The following SLC26A8 variants were observed in gnomAD, a reference collection of about 807,000 sequenced individuals.
SLC26A8 encodes solute carrier family 26 member 8.
Under a neutral mutation model 105.0 loss-of-function variants are expected in SLC26A8, and 70 were observed. The ratio of observed to expected loss-of-function variants is 0.67; its 90% CI spans 0.55 to 0.81. SLC26A8 has a LOEUF of 0.81. Ranked by LOEUF, SLC26A8 falls within the 40% of genes least tolerant of loss-of-function variation. The probability of loss-of-function intolerance (pLI) is 0.00; values close to 1 mark genes in which losing one functional copy is unlikely to be tolerated. For missense variants in SLC26A8, 998 were observed against 1,181.8 expected, an observed-to-expected ratio of 0.84 and a Z score of 2.28; for synonymous variants, 415 against 438.3, an observed-to-expected ratio of 0.95 and a Z score of 0.66.
intron 2 of SLC26A8, among the ~76,000 whole-genome samples, chr6:36,015,743 G>A (rs778747318): frequency 3.4e-4 from 52 of 152,056 alleles, no homozygotes; most frequent in Non-Finnish European, 6.3e-4. Flanking sequence ...GAGAGGACTG[G>A]GGGGGATATC....
intron 19 of SLC26A8, among the ~76,000 whole-genome samples, chr6:35,945,896 C>G (rs1042808066): frequency 6.6e-6 from 1 of 152,174 alleles, no homozygotes; most frequent in African/African-American, 2.4e-5. Context: ...ATCACTTCAA[C>G]TTTCCTGAAA....
At chr6:35,999,169 C>T (rs887571222) in intron 4 of SLC26A8, among the ~76,000 whole-genome samples, 9 of 152,230 alleles carry the variant, frequency 5.9e-5, no homozygotes, top group African/African-American at 2.2e-4. Flanking sequence ...GCTGCGATTA[C>T]AGGCATGAGC....
intron 11 of SLC26A8, among the ~76,000 whole-genome samples, chr6:35,968,611 A>G (rs11752664): frequency 0.13 from 5,377 of 42,518 alleles, 147 homozygotes; most frequent in African/African-American, 0.16. Flanking sequence ...GTGTGTGTGT[A>G]TATATATATA....
Position 35,961,073 on chromosome 6 carries a change from A to G in SLC26A8, c.1488T>C (p.Ser496=). Residue 496 remains serine (S), a synonymous_variant, in exon 13 of 20, where the codon TCT becomes TCC. Transcript: ENST00000490799. ...CAATGTCCAGTCCCAGGAAAATTGA[A>G]GATGAGAATGTCATCATCCAAAGAG... ...DCALWMMTFS[S]SIFLGLDIGL... is the part of the protein sequence containing the mutation. The G allele has an allele frequency of 6.2e-7, 1 of 1,614,002 alleles. No individual in the cohort carries two copies. The highest frequency in any genetic ancestry group is 8.5e-7 in the Non-Finnish European group (1 of 1,179,918).
At chr6:35,979,318 A>T (rs1303676903) in intron 8 of SLC26A8, among the ~76,000 whole-genome samples, 1 of 151,996 alleles carries the variant, frequency 6.6e-6, no homozygotes, top group Non-Finnish European at 1.5e-5. Flanking sequence ...GCTACTAAAA[A>T]TACAAAAATT....
At chr6:35,974,068 A>G (rs1772903296) in intron 10 of SLC26A8, among the ~76,000 whole-genome samples, 1 of 152,234 alleles carries the variant, frequency 6.6e-6, no homozygotes, top group Non-Finnish European at 1.5e-5. Context: ...CTGTAATCCC[A>G]GCACTTTGGG....
chr6:35,996,022 T>C (rs1331888158), intron 5 of SLC26A8, among the ~76,000 whole-genome samples: 1 of 152,226 alleles, frequency 6.6e-6, no homozygotes, highest in Non-Finnish European at 1.5e-5. Flanking sequence ...TTATAACTTA[T>C]TGATGCTTAC....
chr6:36,003,518 G>A (rs957082058), intron 3 of SLC26A8, among the ~76,000 whole-genome samples: 7 of 152,214 alleles, frequency 4.6e-5, no homozygotes, highest in African/African-American at 1.7e-4. Flanking sequence ...CATTAAAATA[G>A]ATTAATAGAT....
chr6:36,022,734 AT>A (rs1225014557), intron 1 of SLC26A8, among the ~76,000 whole-genome samples: 1 of 151,586 alleles, frequency 6.6e-6, no homozygotes, highest in African/African-American at 2.4e-5. Flanking sequence ...TTTCCTTATT[AT>A]TTTTTTTAAG....
intron 1 of SLC26A8, among the ~76,000 whole-genome samples, chr6:36,021,330 C>G (rs1479148537): frequency 1.3e-5 from 2 of 151,912 alleles, no homozygotes; most frequent in African/African-American, 2.4e-5. Context: ...GAATCCCCCC[C>G]CACCTTTCTT....
chr6:35,974,527 T>A (rs903779761), intron 10 of SLC26A8, among the ~76,000 whole-genome samples: 2 of 152,150 alleles, frequency 1.3e-5, no homozygotes, highest in African/African-American at 4.8e-5. Flanking sequence ...AGTAGAACAA[T>A]TATACATTCT....
At chr6:35,957,928 C>T (rs1173573441) in intron 16 of SLC26A8, among the ~76,000 whole-genome samples, 1 of 151,888 alleles carries the variant, frequency 6.6e-6, no homozygotes, top group African/African-American at 2.4e-5. Context: ...TCTTTTCTCT[C>T]CTCCATCTAC....
intron 7 of SLC26A8, among the ~76,000 whole-genome samples, chr6:35,990,872 G>C (rs1033114940): frequency 6.6e-6 from 1 of 151,870 alleles, no homozygotes; most frequent in Non-Finnish European, 1.5e-5. Context: ...TTCAAACTTA[G>C]AATGAGCCCG....
At chr6:35,995,718 C>A (rs1217383496) in intron 5 of SLC26A8, among the ~76,000 whole-genome samples, 1 of 151,656 alleles carries the variant, frequency 6.6e-6, no homozygotes, top group African/African-American at 2.4e-5. Context: ...CCTATGTTGC[C>A]CAGGCTGGTC....
In SLC26A8 at chr6:36,006,419, T is replaced by G. The variant is rs967282295; in HGVS notation, c.328+5814A>C. On this transcript the variant is annotated intron_variant, in intron 3 of 19. Coordinates refer to ENST00000490799, the MANE Select transcript of SLC26A8 (RefSeq NM_052961.4). ...ACAGGTGTGAGCTACCATAACCAGT[T>G]ATGCAATCATTTTTATTCAACAAAC... Among the ~76,000 whole-genome samples the G allele has an allele frequency of 2.0e-5, 3 of 152,248 alleles. No individual in the cohort carries two copies. In the East Asian group the frequency reaches 5.8e-4, roughly 29 times the overall value.
At chr6:35,970,236 A>AG (rs906098429) in intron 10 of SLC26A8, among the ~76,000 whole-genome samples, 5 of 152,094 alleles carry the variant, frequency 3.3e-5, no homozygotes, top group Non-Finnish European at 4.4e-5. Context: ...TTTTTTACGT[A>AG]GGGGGGGAAA....
rs767972512 is a variant in SLC26A8 at position 35,959,507 on chromosome 6, T to C, written c.1816A>G (p.Ile606Val). ...TCACAGTTGCAGAAACACCTGCAAA[T>C]CTTTCCTCCTTGTAGATTGGTGTCA... ...SSDTNLQGGKICRCFCNCDDL... is the reference protein window; with the variant it reads ...SSDTNLQGGKVCRCFCNCDDL... The change falls in exon 16 of 20, where the codon ATT becomes GTT. Residue 606 changes from isoleucine (I) to valine (V), a missense_variant. Ile to Val is a conservative substitution (Grantham distance 29). Coordinates refer to ENST00000490799, the MANE Select transcript of SLC26A8 (RefSeq NM_052961.4). 4 of 1,614,004 alleles carry C rather than the reference T, an allele frequency of 2.5e-6. No individual in the cohort carries two copies. The highest frequency in any genetic ancestry group is 3.3e-5 in the Admixed American group (2 of 59,966).
chr6:35,986,318 G>C (rs528638612), intron 7 of SLC26A8, among the ~76,000 whole-genome samples: 4 of 152,264 alleles, frequency 2.6e-5, no homozygotes, highest in African/African-American at 9.6e-5. Flanking sequence ...ACAGGTGTGA[G>C]CTACCATGCC....
At position 35,961,082 on chromosome 6, in the gene SLC26A8, T is replaced by G. The variant is rs749688698; in HGVS notation, c.1479A>C (p.Thr493=). 7.4e-6 allele frequency: 12 copies of G among 1,613,664 alleles called. No individual in the cohort carries two copies. The highest frequency in any genetic ancestry group is 1.0e-5 in the Non-Finnish European group (12 of 1,179,750). ...GTCCCAGGAAAATTGAAGATGAGAA[T>G]GTCATCATCCAAAGAGCCTTATGGA... is the stretch of plus-strand genomic sequence containing the variant. ...DQYDCALWMM[T]FSSSIFLGLD... The change falls in exon 13 of 20, where the codon ACA becomes ACC. Residue 493 remains threonine, a synonymous_variant. Coordinates refer to ENST00000490799, the MANE Select transcript of SLC26A8 (RefSeq NM_052961.4).
Sources: gnomAD v4.1 joint callset for allele counts (sites outside exome capture counted in the v4.1 genomes callset) on GRCh38, gnomAD v4.1.1 for gene constraint, MANE v1.5 for transcripts, NCBI Gene and HGNC (gene_info 2026-07-23, HGNC 2026-07-21) for gene names.